The following OSBPL10 variants were observed in gnomAD, a reference collection of about 807,000 sequenced individuals.
The protein encoded by OSBPL10 is oxysterol-binding protein-related protein 10.
OSBPL10 carries 49 observed loss-of-function variants against 81.7 expected under a neutral mutation model. That is an observed-to-expected ratio of 0.60 (90% CI 0.48 to 0.76). OSBPL10 has a LOEUF of 0.76. OSBPL10 is among the 30% of genes least tolerant of loss of function. The probability of loss-of-function intolerance (pLI) is 0.00; values close to 1 mark genes in which losing one functional copy is unlikely to be tolerated. For synonymous variants in OSBPL10, 419 were observed against 383.6 expected, an observed-to-expected ratio of 1.09 and a Z score of -1.08; for missense variants, 923 against 987.8, an observed-to-expected ratio of 0.93 and a Z score of 0.88.
At chr3:31,776,079 C>T (rs1698541124) in intron 4 of OSBPL10, among the ~76,000 whole-genome samples, 1 of 151,978 alleles carries the variant, frequency 6.6e-6, no homozygotes, top group Non-Finnish European at 1.5e-5. Flanking sequence ...TGGCTGCCAC[C>T]TTCTGATTAA....
intron 8 of OSBPL10, among the ~76,000 whole-genome samples, chr3:31,677,823 T>C (rs1428379723): frequency 6.7e-6 from 1 of 149,968 alleles, no homozygotes; most frequent in Non-Finnish European, 1.5e-5. Context: ...GGCTCACGCC[T>C]GTAATCCCAG....
chr3:32,040,385 C>T (rs761374114), intron 2 of OSBPL10, among the ~76,000 whole-genome samples: 26 of 151,376 alleles, frequency 1.7e-4, no homozygotes, highest in South Asian at 1.7e-3. Flanking sequence ...CCAGCCTAGG[C>T]GACAGAGCAA....
chr3:31,843,805 T>C (rs1700562669), intron 3 of OSBPL10, among the ~76,000 whole-genome samples: 2 of 152,206 alleles, frequency 1.3e-5, no homozygotes, highest in East Asian at 3.9e-4. Context: ...TAATAATAAG[T>C]TCACGATTGG....
chr3:31,919,223 G>A (rs4642167), intron 1 of OSBPL10, among the ~76,000 whole-genome samples: 55,307 of 151,996 alleles, frequency 0.36, 11,912 homozygotes, highest in Non-Finnish European at 0.5. Context: ...CCTTTATAAT[G>A]CTTTAGTATT....
At chr3:31,877,674 CAGG>C (rs954449394) in intron 2 of OSBPL10, among the ~76,000 whole-genome samples, 1 of 152,040 alleles carries the variant, frequency 6.6e-6, no homozygotes, top group African/African-American at 2.4e-5. Flanking sequence ...CTTGAACTTT[CAGG>C]AGAAGAAATC....
intron 3 of OSBPL10, among the ~76,000 whole-genome samples, chr3:31,840,195 G>T (rs1034217263): frequency 6.6e-6 from 1 of 152,110 alleles, no homozygotes; most frequent in Non-Finnish European, 1.5e-5. Context: ...GGGGACAAGG[G>T]CTCCTATTTT....
chr3:31,917,946 T>C (rs191995500), intron 1 of OSBPL10, among the ~76,000 whole-genome samples: 13 of 152,188 alleles, frequency 8.5e-5, no homozygotes, highest in African/African-American at 2.9e-4. Flanking sequence ...TTAATAACTT[T>C]AATTTGTTAA....
chr3:31,840,566 G>C (rs1204682603), intron 3 of OSBPL10, among the ~76,000 whole-genome samples: 4 of 152,204 alleles, frequency 2.6e-5, no homozygotes, highest in Admixed American at 1.3e-4. Flanking sequence ...AGATAAAAAT[G>C]CAAGATTTGC....
intron 2 of OSBPL10, among the ~76,000 whole-genome samples, chr3:32,002,785 C>CTAAGATTTTAGAGAAAAAAGGTT (rs1327746623): frequency 3.9e-5 from 6 of 152,024 alleles, no homozygotes; most frequent in Admixed American, 1.3e-4. Context: ...TACAGTGTGC[C>CTAAGATTTTAGAGAAAAAAGGTT]CCTTGGGAGA....
At chr3:31,965,915 TAATA>T (rs1355678382) in intron 1 of OSBPL10, among the ~76,000 whole-genome samples, 1 of 116,560 alleles carries the variant, frequency 8.6e-6, no homozygotes, top group African/African-American at 3.4e-5. Flanking sequence ...ATAAAATAGA[TAATA>T]TATAATATAT....
At chr3:31,816,079 G>A (rs578097942) in intron 4 of OSBPL10, among the ~76,000 whole-genome samples, 1 of 141,898 alleles carries the variant, frequency 7.0e-6, no homozygotes, top group Non-Finnish European at 1.5e-5. Context: ...TACTCTAATC[G>A]TCAGGAGGAA....
intron 2 of OSBPL10, among the ~76,000 whole-genome samples, chr3:32,001,416 C>A (rs183826169): frequency 1.3e-5 from 2 of 152,228 alleles, no homozygotes; most frequent in East Asian, 3.9e-4. Flanking sequence ...GTACAATAAG[C>A]ATTTTACATC....
chr3:31,714,467 T>A (rs1404761251), intron 6 of OSBPL10, among the ~76,000 whole-genome samples: 1 of 151,332 alleles, frequency 6.6e-6, no homozygotes, highest in East Asian at 1.9e-4. Context: ...CGGGGTGGAG[T>A]GAGAGGCAAA....
At chr3:31,723,538 TTA>T in intron 6 of OSBPL10, among the ~76,000 whole-genome samples, 1 of 144,352 alleles carries the variant, frequency 6.9e-6, no homozygotes. Context: ...GCTCTGTTTC[TTA>T]CACACACACA....
intron 2 of OSBPL10, among the ~76,000 whole-genome samples, chr3:32,006,096 C>A (rs1442172766): frequency 2.0e-5 from 3 of 152,024 alleles, no homozygotes. Context: ...AGATGAGCAC[C>A]ACCATGCCCA....
At chr3:31,786,829 C>T (rs1698872721) in intron 4 of OSBPL10, among the ~76,000 whole-genome samples, 2 of 152,130 alleles carry the variant, frequency 1.3e-5, no homozygotes, top group South Asian at 2.1e-4. Context: ...TCAGGTAACT[C>T]TCAGTTACTA....
At chr3:31,798,513 AT>A (rs1020174994) in intron 4 of OSBPL10, among the ~76,000 whole-genome samples, 35 of 152,066 alleles carry the variant, frequency 2.3e-4, no homozygotes, top group African/African-American at 8.2e-4. Context: ...TTTTTTTAAT[AT>A]TAATCATATG....
chr3:31,700,890 T>C (rs958135725), intron 7 of OSBPL10, among the ~76,000 whole-genome samples: 1 of 152,138 alleles, frequency 6.6e-6, no homozygotes, highest in African/African-American at 2.4e-5. Context: ...GGAGAACAAG[T>C]CGTCATAGCT....
At chr3:32,071,166 C>A (rs1229700502) in intron 1 of OSBPL10, among the ~76,000 whole-genome samples, 2 of 152,152 alleles carry the variant, frequency 1.3e-5, no homozygotes, top group African/African-American at 2.4e-5. Context: ...TCTCTGTTAC[C>A]TACCTAAGTA....
Sources: gnomAD v4.1 joint callset for allele counts (sites outside exome capture counted in the v4.1 genomes callset) on GRCh38, gnomAD v4.1.1 for gene constraint, MANE v1.5 for transcripts, NCBI Gene and HGNC (gene_info 2026-07-23, HGNC 2026-07-21) for gene names.